SULF2: variants seen among roughly 807,000 people sequenced by gnomAD.
SULF2 encodes sulfatase 2.
In SULF2, 52 loss-of-function variants were observed where a neutral mutation model predicts 107.7. The observed-to-expected ratio is 0.48, with a 90% CI of 0.39 to 0.61. The LOEUF (loss-of-function observed/expected upper bound fraction) is 0.61. Ranked by LOEUF, SULF2 falls within the 20% of genes least tolerant of loss-of-function variation. The probability of loss-of-function intolerance (pLI) is 0.00; values close to 1 mark genes in which losing one functional copy is unlikely to be tolerated. For missense variants in SULF2, 993 were observed against 1,177.3 expected (o/e 0.84, Z 2.29); for synonymous variants, 460 against 464.3 (o/e 0.99, Z 0.12).
intron 5 of SULF2, among the ~76,000 whole-genome samples, chr20:47,687,632 TCTGC>T (rs2088054120): frequency 6.6e-6 from 1 of 151,742 alleles, no homozygotes; most frequent in East Asian, 1.9e-4. Context: ...TCTTTGTATC[TCTGC>T]CTATGTCTTT....
chr20:47,680,686 G>A lies in SULF2; in HGVS notation c.1065-1882C>T, dbSNP rs1358183577. ...TGTGTCATGGGGGGCTCGAAGGCCA[G>A]CGTGAGGCGCTACAACTGAATCCAG... On this transcript the variant is annotated intron_variant, in intron 7 of 20. Transcript: ENST00000688720. This position sits in a 1 kb window ranked among gnomAD's most constrained non-coding sequence, Gnocchi z 4.2. Among the ~76,000 whole-genome samples the A allele has an allele frequency of 1.3e-5, 2 of 152,248 alleles. No homozygotes were observed. The highest frequency in any genetic ancestry group is 4.8e-5 in the African/African-American group (2 of 41,464).
In SULF2 at chr20:47,666,769, C is replaced by T. The variant is rs964334686; in HGVS notation, c.1577-281G>A. On this transcript the variant is annotated intron_variant, in intron 11 of 20. Transcript: ENST00000688720. This position sits in a 1 kb window ranked among gnomAD's most constrained non-coding sequence, Gnocchi z 5.4. ...GAGCTGCTTGCGGGTAAACAAATGG[C>T]GGTACATCATCTGTACAACGGAATA... Among the ~76,000 whole-genome samples the T allele has an allele frequency of 2.6e-5, 4 of 152,304 alleles. No homozygotes were observed. Among genetic ancestry groups the T allele is most frequent in the Non-Finnish European group, 4.4e-5 (3 of 68,024 alleles).
intron 1 of SULF2, among the ~76,000 whole-genome samples, chr20:47,762,429 A>G (rs1267368021): frequency 6.6e-6 from 1 of 152,224 alleles, no homozygotes; most frequent in African/African-American, 2.4e-5. Flanking sequence ...CCCAATTAAT[A>G]TGCACACCCA....
chr20:47,678,677 G>A lies in SULF2; in HGVS notation c.1192C>T (p.Arg398Trp), dbSNP rs967263459. The change falls in exon 8 of 21, where the codon CGG becomes TGG. Residue 398 changes from arginine to tryptophan, a missense_variant and splice_region_variant. Physicochemically the swap from Arg to Trp is moderately radical, Grantham distance 101 (BLOSUM62 -3). Coordinates refer to ENST00000688720, the MANE Select transcript of SULF2 (RefSeq NM_001387048.1). This position sits in a 1 kb window ranked among gnomAD's most constrained non-coding sequence, Gnocchi z 4.5. ...ACACCTGCCCTGCTCCGTCCTCACC[G>A]ATTCACCGGCCGCTCCGTGTCCAGC... ...KLLDTERPVN[R>W]FHLKKKMRVW... 3.1e-6 allele frequency: 5 copies of A among 1,613,584 alleles called. No individual in the cohort carries two copies. The highest frequency in any genetic ancestry group is 2.2e-5 in the South Asian group (2 of 91,070).
chr20:47,721,662 G>A (rs1373756228), intron 3 of SULF2, among the ~76,000 whole-genome samples: 1 of 152,134 alleles, frequency 6.6e-6, no homozygotes, highest in Non-Finnish European at 1.5e-5. Flanking sequence ...GAGCTACTGC[G>A]CCCGGCCTGC....
chr20:47,678,827 G>T lies in SULF2; in HGVS notation c.1065-23C>A, dbSNP rs373009089. ...TTCCTGGGGGAGGCAGGAGATCGGGGACTCAGTCACTCAGGTGGTGGTGCC... is the reference window on the plus strand; with the variant it reads ...TTCCTGGGGGAGGCAGGAGATCGGGTACTCAGTCACTCAGGTGGTGGTGCC... On this transcript the variant is annotated intron_variant, in intron 7 of 20. Transcript: ENST00000688720. The surrounding 1 kb of genome is among the most constrained non-coding windows in gnomAD (Gnocchi z 4.5). 6.2e-6 allele frequency: 10 copies of T among 1,610,458 alleles called. No individual in the cohort carries two copies. Among genetic ancestry groups the T allele is most frequent in the Non-Finnish European group, 8.5e-6 (10 of 1,178,440 alleles).
At chr20:47,761,944 G>A (rs2090427418) in intron 1 of SULF2, among the ~76,000 whole-genome samples, 1 of 152,202 alleles carries the variant, frequency 6.6e-6, no homozygotes, top group Non-Finnish European at 1.5e-5. Context: ...TAGTGAATAA[G>A]TCTCATGAGA....
intron 2 of SULF2, among the ~76,000 whole-genome samples, chr20:47,755,804 C>G (rs1600657196): frequency 6.6e-6 from 1 of 152,142 alleles, no homozygotes; most frequent in East Asian, 1.9e-4. Flanking sequence ...GAATCAAACT[C>G]AAAGCCCCCA....
intron 11 of SULF2, among the ~76,000 whole-genome samples, chr20:47,667,017 G>T (rs2087297829): frequency 6.6e-6 from 1 of 152,166 alleles, no homozygotes; most frequent in African/African-American, 2.4e-5. Flanking sequence ...GTGGGTACGG[G>T]GTTCCCTTTT....
At chr20:47,659,846 G>A in intron 18 of SULF2, 116 bp from the exon 19 acceptor site, 2 of 770,986 alleles carry the variant, frequency 2.6e-6, no homozygotes, top group East Asian at 5.2e-5. Context: ...TGCTGATAGT[G>A]TTCCCTACTC....
At chr20:47,668,590 G>A (rs951827414) in intron 11 of SULF2, among the ~76,000 whole-genome samples, 1 of 152,238 alleles carries the variant, frequency 6.6e-6, no homozygotes, top group Non-Finnish European at 1.5e-5. Flanking sequence ...CACATGTGTG[G>A]CCCCGGCGAT....
At chr20:47,781,097 CT>C (rs146191488) in intron 1 of SULF2, among the ~76,000 whole-genome samples, 4,853 of 152,356 alleles carry the variant, frequency 0.032, 112 homozygotes, top group Middle Eastern at 0.054. Context: ...AACACTGCCC[CT>C]GGCCCCCCGA....
chr20:47,783,232 G>A (rs897483484), intron 1 of SULF2, among the ~76,000 whole-genome samples: 7 of 152,174 alleles, frequency 4.6e-5, no homozygotes, highest in Admixed American at 4.6e-4. Flanking sequence ...ACTACAAGCT[G>A]GTCAGAAATG....
intron 4 of SULF2, among the ~76,000 whole-genome samples, chr20:47,697,532 C>T (rs1448206119): frequency 1.3e-5 from 2 of 152,204 alleles, no homozygotes; most frequent in African/African-American, 4.8e-5. Context: ...ACCCCTGTTC[C>T]CTTGACGCTT....
intron 4 of SULF2, among the ~76,000 whole-genome samples, chr20:47,697,747 A>C (rs745511412): frequency 2.2e-4 from 34 of 152,216 alleles, no homozygotes; most frequent in Non-Finnish European, 1.0e-4. Flanking sequence ...GGCAGGAAAC[A>C]GGGCAAAAGG....
intron 2 of SULF2, 60 bp downstream of exon 2, chr20:47,757,129 C>T: frequency 6.9e-7 from 1 of 1,453,562 alleles, no homozygotes; most frequent in Non-Finnish European, 9.2e-7. Flanking sequence ...GGAGCCTCAG[C>T]CTAACCCAGG....
intron 1 of SULF2, among the ~76,000 whole-genome samples, chr20:47,761,622 T>A (rs1322035213): frequency 6.6e-6 from 1 of 152,194 alleles, no homozygotes; most frequent in Non-Finnish European, 1.5e-5. Context: ...GCTCGCACTC[T>A]CTTTTGAAGT....
chr20:47,695,328 ATC>A (rs1445035821), intron 4 of SULF2, among the ~76,000 whole-genome samples: 1 of 152,176 alleles, frequency 6.6e-6, no homozygotes, highest in African/African-American at 2.4e-5. Context: ...ACAAAGTTTT[ATC>A]TGTGAAGTAG....
At chr20:47,720,379 C>T (rs2089252548) in intron 3 of SULF2, among the ~76,000 whole-genome samples, 1 of 152,190 alleles carries the variant, frequency 6.6e-6, no homozygotes, top group East Asian at 1.9e-4. Flanking sequence ...CCTTAGCCTC[C>T]TGAGTAGTTG....
Sources: allele counts gnomAD v4.1 joint callset (sites outside exome capture counted in the v4.1 genomes callset), GRCh38; gene constraint gnomAD v4.1.1; non-coding constraint Gnocchi (gnomAD v3.1); transcripts MANE v1.5; gene names NCBI Gene and HGNC (gene_info 2026-07-23, HGNC 2026-07-21).